The following CAMK2B variants were observed in gnomAD, a reference collection of about 807,000 sequenced individuals.
CAMK2B encodes calcium/calmodulin-dependent protein kinase type II subunit beta.
A neutral mutation model predicts 93.7 loss-of-function variants in CAMK2B; 27 were observed. The observed-to-expected ratio is 0.29, with a 90% CI of 0.21 to 0.40. The LOEUF is 0.40. CAMK2B is among the 10% of genes least tolerant of loss of function. The pLI is 1.00. For synonymous variants in CAMK2B, 374 were observed against 358.8 expected, an observed-to-expected ratio of 1.04 and a Z score of -0.48; for missense variants, 568 against 895.8, an observed-to-expected ratio of 0.63 and a Z score of 4.67.
intron 5 of CAMK2B, among the ~76,000 whole-genome samples, chr7:44,249,387 G>C (rs188734784): frequency 6.6e-6 from 1 of 152,332 alleles, no homozygotes; most frequent in Non-Finnish European, 1.5e-5. Flanking sequence ...CAGATGCAGA[G>C]TGAGCTCAGT....
In CAMK2B at chr7:44,265,029, G is replaced by C. The variant is rs777062501; in HGVS notation, c.161-1965C>G. ...GGGGTGGGAGGAGGGAGGCTCTCAG[G>C]GTGCAGGACGGTGAGTTCACGGGGT... On this transcript the variant is annotated intron_variant, in intron 2 of 23. Coordinates refer to ENST00000395749, the MANE Select transcript of CAMK2B (RefSeq NM_001220.5). 3.9e-5 allele frequency among the ~76,000 whole-genome samples: 6 copies of C among 152,214 alleles called. No homozygotes were observed. In the South Asian group the frequency reaches 1.0e-3, roughly 26 times the overall value.
intron 18 of CAMK2B, 28 bp downstream of exon 18, chr7:44,229,360 C>T: frequency 1.4e-6 from 2 of 1,458,818 alleles, no homozygotes; most frequent in Non-Finnish European, 1.9e-6. Context: ...AACATGACCC[C>T]CACAGCAGCA....
At chr7:44,315,771 G>A (rs1794705720) in intron 1 of CAMK2B, among the ~76,000 whole-genome samples, 1 of 152,076 alleles carries the variant, frequency 6.6e-6, no homozygotes, top group Non-Finnish European at 1.5e-5. Context: ...CAATGTACAA[G>A]TCTTGTACTT....
intron 2 of CAMK2B, among the ~76,000 whole-genome samples, chr7:44,279,336 G>GA (rs1425300267): frequency 6.6e-6 from 1 of 152,194 alleles, no homozygotes; most frequent in Non-Finnish European, 1.5e-5. Flanking sequence ...AGTTAAATAG[G>GA]AAAAAAATGC....
At chr7:44,300,286 T>C (rs1281660555) in intron 1 of CAMK2B, among the ~76,000 whole-genome samples, 1 of 152,076 alleles carries the variant, frequency 6.6e-6, no homozygotes, top group Non-Finnish European at 1.5e-5. Flanking sequence ...TCCTCCCACT[T>C]CAGCCTCCTA....
At chr7:44,229,083 C>T (rs565916639) in intron 18 of CAMK2B, 159 bp from the exon 19 acceptor site, 366 of 751,128 alleles carry the variant, frequency 4.9e-4, no homozygotes, top group African/African-American at 4.5e-3. Context: ...GGAGCCCCCC[C>T]GCCCGCAAGC....
chr7:44,280,491 G>T (rs910919492), intron 2 of CAMK2B, among the ~76,000 whole-genome samples: 1 of 152,202 alleles, frequency 6.6e-6, no homozygotes, highest in African/African-American at 2.4e-5. Context: ...GGTGGGTGGG[G>T]GTGGCTGCTG....
At chr7:44,265,673 A>T (rs1405635661) in intron 2 of CAMK2B, among the ~76,000 whole-genome samples, 1 of 152,192 alleles carries the variant, frequency 6.6e-6, no homozygotes, top group Non-Finnish European at 1.5e-5. Context: ...CCCAAAAATG[A>T]TACCTATTCC....
Position 44,229,488 on chromosome 7 carries a change from G to C in CAMK2B, c.1239C>G (p.Pro413=). Residue 413 remains proline (P), a synonymous_variant, in exon 18 of 24, where the codon CCC becomes CCG. Transcript: ENST00000395749. ...CCCTCCTCACTGAGCTCAGGATGTC[G>C]GGGACCCTGGGGGCTGAGGCGGAAC... The part of the protein sequence containing the change: ...EDEDAKAPRV[P]DILSSVRRGS... The C allele has an allele frequency of 7.0e-7, 1 of 1,429,138 alleles. No individual in the cohort carries two copies. Among genetic ancestry groups the C allele is most frequent in the Admixed American group, 3.1e-5 (1 of 32,324 alleles). The allele number at this position is 1,429,138 out of a possible 1,614,324, so 88.5% of individuals were successfully genotyped here. A position where few individuals can be genotyped will look rare whatever the true frequency, so the allele number is the denominator to read the frequency against.
Position 44,235,318 on chromosome 7 carries a change from G to A in CAMK2B, c.1022-642C>T, listed in dbSNP as rs139710136. On this transcript the variant is annotated intron_variant, in intron 13 of 23. Coordinates refer to ENST00000395749, the MANE Select transcript of CAMK2B (RefSeq NM_001220.5). ...CAGCCCTGGCCTTGGGGCCGCTTCT[G>A]TGCACTGACTGGGGCCAGCACAGGC... Among the ~76,000 whole-genome samples the A allele has an allele frequency of 5.0e-3, 761 of 152,338 alleles. 9 individuals are homozygous for A. Among genetic ancestry groups the A allele is most frequent in the African/African-American group, 0.017 (688 of 41,582 alleles).
intron 1 of CAMK2B, among the ~76,000 whole-genome samples, chr7:44,288,826 T>C (rs931680130): frequency 2.0e-5 from 3 of 152,088 alleles, no homozygotes; most frequent in African/African-American, 7.2e-5. Flanking sequence ...GGGCACCTCC[T>C]TCATTGCAGG....
At chr7:44,220,385 T>C in intron 22 of CAMK2B, 91 bp from the exon 23 acceptor site, 1 of 1,059,362 alleles carries the variant, frequency 9.4e-7, no homozygotes, top group South Asian at 1.5e-5. Context: ...TTTCCCTCTC[T>C]CAACTCCCCT....
chr7:44,282,093 C>G (rs1047538570), intron 2 of CAMK2B, among the ~76,000 whole-genome samples: 1 of 152,216 alleles, frequency 6.6e-6, no homozygotes, highest in Non-Finnish European at 1.5e-5. Context: ...TGCACAGGTA[C>G]GCTCACGCAC....
chr7:44,317,349 T>C (rs1233475673), intron 1 of CAMK2B, among the ~76,000 whole-genome samples: 1 of 151,524 alleles, frequency 6.6e-6, no homozygotes. Context: ...TGGTCCAAAC[T>C]GAGATGTGCC....
intron 5 of CAMK2B, among the ~76,000 whole-genome samples, chr7:44,251,640 C>G (rs1234412021): frequency 6.6e-6 from 1 of 152,164 alleles, no homozygotes; most frequent in Non-Finnish European, 1.5e-5. Flanking sequence ...CCCTCGCTCC[C>G]CACAGTCTGG....
chr7:44,300,284 C>G lies in CAMK2B; in HGVS notation c.66-16059G>C, dbSNP rs145441141. Among the ~76,000 whole-genome samples the G allele has an allele frequency of 4.5e-3, 681 of 152,198 alleles. 8 individuals are homozygous for G. Among genetic ancestry groups the G allele is most frequent in the African/African-American group, 0.016 (650 of 41,488 alleles). On this transcript the variant is annotated intron_variant, in intron 1 of 23. Coordinates refer to ENST00000395749, the MANE Select transcript of CAMK2B (RefSeq NM_001220.5). ...CTCCTAGATTCAAGCATTCCTCCCACTTCAGCCTCCTAAGGTGCTGGAATT... is the reference window on the plus strand; with the variant it reads ...CTCCTAGATTCAAGCATTCCTCCCAGTTCAGCCTCCTAAGGTGCTGGAATT...
At chr7:44,299,978 T>C (rs1789432268) in intron 1 of CAMK2B, among the ~76,000 whole-genome samples, 1 of 151,634 alleles carries the variant, frequency 6.6e-6, no homozygotes, top group African/African-American at 2.4e-5. Flanking sequence ...AAAATAAAGC[T>C]GGAGTAACTA....
chr7:44,221,886 A>T (rs1231145770), intron 20 of CAMK2B, among the ~76,000 whole-genome samples: 2 of 152,258 alleles, frequency 1.3e-5, no homozygotes, highest in Non-Finnish European at 2.9e-5. Flanking sequence ...CACTCTACGG[A>T]TTCAAATCTT....
At chr7:44,238,611 G>A (rs1275340304) in intron 13 of CAMK2B, among the ~76,000 whole-genome samples, 1 of 152,204 alleles carries the variant, frequency 6.6e-6, no homozygotes, top group Non-Finnish European at 1.5e-5. Flanking sequence ...TGGCTGGGAA[G>A]GCCAGGCTGC....
Sources: gnomAD v4.1 joint callset for allele counts (sites outside exome capture counted in the v4.1 genomes callset) on GRCh38, gnomAD v4.1.1 for gene constraint, MANE v1.5 for transcripts, NCBI Gene and HGNC (gene_info 2026-07-23, HGNC 2026-07-21) for gene names.